The following SATL1 variants were observed in gnomAD, a reference collection of about 807,000 sequenced individuals.
The protein encoded by SATL1 is spermidine/spermine N(1)-acetyltransferase-like protein 1.
In SATL1, 47 loss-of-function variants were observed where a neutral mutation model predicts 51.8. The observed-to-expected ratio is 0.91, with a 90% CI of 0.72 to 1.16. The LOEUF (loss-of-function observed/expected upper bound fraction) is 1.16, where lower values mean the gene tolerates loss of function less well. Among genes scored for constraint, SATL1 ranks in the 50% most tolerant of loss-of-function variants. The probability of loss-of-function intolerance (pLI) is 0.00; values close to 1 mark genes in which losing one functional copy is unlikely to be tolerated. For missense variants in SATL1, 520 were observed against 526.4 expected (o/e 0.99, Z 0.12); for synonymous variants, 176 against 182.4 (o/e 0.97, Z 0.28).
chrX:85,190,303 C>T (rs1363244232), intron 2 of SATL1, among the ~76,000 whole-genome samples: 1 of 112,003 alleles, frequency 8.9e-6, no homozygotes, highest in Non-Finnish European at 1.9e-5. Context: ...AATCATCTGA[C>T]ATAAAAATAA....
intron 2 of SATL1, among the ~76,000 whole-genome samples, chrX:85,136,641 TAC>T (rs1386033880): frequency 9.0e-6 from 1 of 111,701 alleles, no homozygotes; most frequent in Non-Finnish European, 1.9e-5. Flanking sequence ...CCTTGGTGTA[TAC>T]AGTTTCAATT....
At chrX:85,197,490 ATTT>A (rs1387424164) in intron 2 of SATL1, among the ~76,000 whole-genome samples, 1 of 109,900 alleles carries the variant, frequency 9.1e-6, no homozygotes, top group East Asian at 2.8e-4. Context: ...TTATTTATTT[ATTT>A]ATTTTACTTT....
intron 2 of SATL1, among the ~76,000 whole-genome samples, chrX:85,148,689 C>G (rs1374272056): frequency 4.5e-5 from 5 of 111,365 alleles, no homozygotes; most frequent in Non-Finnish European, 7.5e-5. Flanking sequence ...GAATTTTCAA[C>G]CCAGAATTTC....
At chrX:85,098,625 A>G (rs1397056780) in intron 4 of SATL1, among the ~76,000 whole-genome samples, 2 of 112,101 alleles carry the variant, frequency 1.8e-5, no homozygotes, top group Non-Finnish European at 3.8e-5. Context: ...TAATGACAAT[A>G]CAATGATACT....
chrX:85,150,978 G>A (rs1926415954), intron 2 of SATL1, among the ~76,000 whole-genome samples: 2 of 111,264 alleles, frequency 1.8e-5, no homozygotes, highest in Admixed American at 1.9e-4. Flanking sequence ...TAATCAGGCA[G>A]GAGAAGGAAA....
intron 2 of SATL1, among the ~76,000 whole-genome samples, chrX:85,198,801 A>G (rs558181954): frequency 1.8e-5 from 2 of 110,240 alleles, no homozygotes; most frequent in South Asian, 7.9e-4. Flanking sequence ...ATTATTACTG[A>G]CTATAATCAC....
At chrX:85,224,165 C>T (rs1045450280) in intron 2 of SATL1, 40 bp downstream of exon 2, 1 of 111,433 alleles carries the variant, frequency 9.0e-6, no homozygotes, top group African/African-American at 3.3e-5. Context: ...AGCAGGGTCA[C>T]GCTCCCTCCA....
intron 2 of SATL1, among the ~76,000 whole-genome samples, chrX:85,132,762 C>A (rs1347290246): frequency 8.9e-6 from 1 of 112,132 alleles, no homozygotes; most frequent in Non-Finnish European, 1.9e-5. Flanking sequence ...AGCTTTTCTG[C>A]TCTGGTTTCT....
intron 2 of SATL1, among the ~76,000 whole-genome samples, chrX:85,171,514 G>A (rs1448668275): frequency 9.0e-6 from 1 of 111,209 alleles, no homozygotes; most frequent in Non-Finnish European, 1.9e-5. Flanking sequence ...AGAAAATCTA[G>A]CTTTCTTTTC....
intron 2 of SATL1, among the ~76,000 whole-genome samples, chrX:85,111,237 A>G (rs1345268737): frequency 8.9e-6 from 1 of 112,788 alleles, no homozygotes; most frequent in African/African-American, 3.2e-5. Context: ...CATAATCTAG[A>G]ATTGGTTAAT....
intron 1 of SATL1, among the ~76,000 whole-genome samples, chrX:85,239,961 A>G (rs989048320): frequency 8.9e-6 from 1 of 111,765 alleles, no homozygotes; most frequent in African/African-American, 3.2e-5. Context: ...AAAATGACAA[A>G]TTTGACTTCA....
At chrX:85,119,995 G>T (rs1925469763) in intron 2 of SATL1, among the ~76,000 whole-genome samples, 1 of 112,123 alleles carries the variant, frequency 8.9e-6, no homozygotes, top group African/African-American at 3.2e-5. Context: ...GAAGTAACTT[G>T]TTCTCACTTT....
At chrX:85,220,687 A>AAAAC (rs1569249782) in intron 2 of SATL1, among the ~76,000 whole-genome samples, 1 of 91,903 alleles carries the variant, frequency 1.1e-5, no homozygotes, top group Non-Finnish European at 2.1e-5. Flanking sequence ...AAAAAAAAAA[A>AAAAC]CTCTCCTGGA....
At chrX:85,179,771 A>G (rs747121748) in intron 2 of SATL1, among the ~76,000 whole-genome samples, 3 of 110,649 alleles carry the variant, frequency 2.7e-5, no homozygotes, top group East Asian at 2.8e-4. Flanking sequence ...ATTTTTACAA[A>G]CAAGGAAATC....
rs1428233273 is a variant in SATL1 at position 85,118,087 on chromosome X, C to T, written c.-312-8807G>A. Among the ~76,000 whole-genome samples, 149 of 46,115 alleles carry T rather than the reference C, an allele frequency of 3.2e-3. 3 individuals are homozygous for T. The highest frequency in any genetic ancestry group is 5.5e-3 in the Non-Finnish European group (114 of 20,822). The allele number at this position is 46,115 out of a possible 115,157, so 40.0% of individuals were successfully genotyped here. ...TTTTGCAAATAAAAAAAGAACTTAGCTTTTTTTTTTTTTTTTCCAGAGTGC... is the reference window on the plus strand; with the variant it reads ...TTTTGCAAATAAAAAAAGAACTTAGTTTTTTTTTTTTTTTTTCCAGAGTGC... On this transcript the variant is annotated intron_variant, in intron 2 of 7. Coordinates refer to ENST00000644105, the MANE Select transcript of SATL1 (RefSeq NM_001367857.2).
chrX:85,130,139 A>T (rs1925745424), intron 2 of SATL1, among the ~76,000 whole-genome samples: 1 of 111,832 alleles, frequency 8.9e-6, no homozygotes, highest in Admixed American at 9.5e-5. Context: ...AGGCTTTGGA[A>T]TCAGGATAAT....
At chrX:85,149,623 C>T (rs1375905552) in intron 2 of SATL1, among the ~76,000 whole-genome samples, 8 of 111,589 alleles carry the variant, frequency 7.2e-5, no homozygotes, top group Non-Finnish European at 1.1e-4. Context: ...TCTCTCAGAC[C>T]ACAGTGCAAT....
intron 2 of SATL1, among the ~76,000 whole-genome samples, chrX:85,122,167 G>A (rs781520609): frequency 9.0e-6 from 1 of 110,874 alleles, no homozygotes; most frequent in Non-Finnish European, 1.9e-5. Flanking sequence ...ACTTTCAACT[G>A]TCTAGTTAAT....
intron 2 of SATL1, among the ~76,000 whole-genome samples, chrX:85,216,106 C>T (rs1338680589): frequency 9.0e-6 from 1 of 111,572 alleles, no homozygotes. Flanking sequence ...TGAAGGAAAG[C>T]TGGCATGTAC....
Sources: gnomAD v4.1 joint callset for allele counts (sites outside exome capture counted in the v4.1 genomes callset) on GRCh38, gnomAD v4.1.1 for gene constraint, MANE v1.5 for transcripts, NCBI Gene and HGNC (gene_info 2026-07-23, HGNC 2026-07-21) for gene names.